STX12: variants seen among roughly 807,000 people sequenced by gnomAD.
The protein encoded by STX12 is syntaxin 12, also known as syntaxin-12.
A neutral mutation model predicts 42.2 loss-of-function variants in STX12; 17 were observed. That is an observed-to-expected ratio of 0.40 (90% CI 0.28 to 0.60). The LOEUF (loss-of-function observed/expected upper bound fraction) is 0.60, where lower values mean the gene tolerates loss of function less well. STX12 is among the 20% of genes least tolerant of loss of function. STX12 has a pLI of 0.39. For missense variants in STX12, 297 were observed against 330.9 expected (o/e 0.90, Z 0.79); for synonymous variants, 108 against 116.7 (o/e 0.93, Z 0.48).
At chr1:27,796,981 A>G (rs1460423905) in intron 3 of STX12, among the ~76,000 whole-genome samples, 2 of 152,004 alleles carry the variant, frequency 1.3e-5, no homozygotes, top group African/African-American at 4.8e-5. Flanking sequence ...CTGGGATTAC[A>G]GGCATGAGCC....
chr1:27,800,552 CAG>C (rs1368335323), intron 3 of STX12, among the ~76,000 whole-genome samples: 1 of 149,736 alleles, frequency 6.7e-6, no homozygotes, highest in Non-Finnish European at 1.5e-5. Context: ...TTTTTTCAGA[CAG>C]AGTTTCACTC....
At chr1:27,782,204 A>AT (rs1318724788) in intron 1 of STX12, among the ~76,000 whole-genome samples, 1 of 152,096 alleles carries the variant, frequency 6.6e-6, no homozygotes, top group African/African-American at 2.4e-5. Flanking sequence ...AACTCAAGGG[A>AT]TCCCCCCACC....
chr1:27,797,636 A>G (rs759237642), intron 3 of STX12, among the ~76,000 whole-genome samples: 2 of 151,842 alleles, frequency 1.3e-5, no homozygotes, highest in Non-Finnish European at 1.5e-5. Flanking sequence ...TCTTTTTCCA[A>G]TCTAACCCCT....
chr1:27,775,637 C>A (rs1285040402), intron 1 of STX12, among the ~76,000 whole-genome samples: 2 of 152,134 alleles, frequency 1.3e-5, no homozygotes, highest in African/African-American at 4.8e-5. Context: ...CAACAGGGAA[C>A]CTGCAGAGTT....
intron 7 of STX12, 76 bp downstream of exon 7, chr1:27,817,999 G>T: frequency 7.9e-7 from 1 of 1,268,652 alleles, no homozygotes; most frequent in Non-Finnish European, 1.1e-6. Context: ...CAGCTACTCA[G>T]AAGGCTGAGG....
intron 1 of STX12, among the ~76,000 whole-genome samples, chr1:27,777,381 G>T (rs1397537424): frequency 1.3e-5 from 2 of 152,202 alleles, no homozygotes; most frequent in African/African-American, 4.8e-5. Context: ...GGCTAGTTTG[G>T]CTGGAGTACC....
rs761341333 is a variant in STX12, at chr1:27,773,243, G to A, written c.-65G>A. 2.7e-6 allele frequency: 3 copies of A among 1,097,082 alleles called. No homozygotes were observed. Among genetic ancestry groups the A allele is most frequent in the Non-Finnish European group, 2.7e-6 (2 of 740,874 alleles). The allele number at this position is 1,097,082 out of a possible 1,614,324, so 68.0% of individuals were successfully genotyped here. ...TCCCAGTTTCTCCGTCAGCCTGCGGGTCCCGGCTGGCGGCTGCTTCCGGTA... is the reference window on the plus strand; with the variant it reads ...TCCCAGTTTCTCCGTCAGCCTGCGGATCCCGGCTGGCGGCTGCTTCCGGTA... On this transcript the variant is annotated 5_prime_UTR_variant, in exon 1 of 9. Transcript: ENST00000373943.
chr1:27,798,275 A>G (rs1400988189), intron 3 of STX12, among the ~76,000 whole-genome samples: 1 of 152,130 alleles, frequency 6.6e-6, no homozygotes, highest in Non-Finnish European at 1.5e-5. Flanking sequence ...TCACACCTGT[A>G]ATCCCAGAAC....
rs932738175 is a variant in STX12 at position 27,822,158 on chromosome 1, G to C, written c.733-73G>C. On this transcript the variant is annotated intron_variant, in intron 8 of 8. Transcript: ENST00000373943. ...AATTACAAGGAGGCAGATTTATGAA[G>C]CATTCTTAGAGTCTTACACATACAA... 3.9e-5 allele frequency: 35 copies of C among 888,856 alleles called. No homozygotes were observed. The African/African-American group carries it at 5.0e-4, about 13-fold the overall frequency. 55.1% of individuals were successfully genotyped at this position (888,856 alleles called of 1,614,324 possible).
intron 3 of STX12, among the ~76,000 whole-genome samples, chr1:27,795,755 A>G (rs1185967959): frequency 6.6e-6 from 1 of 152,188 alleles, no homozygotes; most frequent in Non-Finnish European, 1.5e-5. Flanking sequence ...TCATCCTGCT[A>G]CAAAGTAGTT....
intron 8 of STX12, among the ~76,000 whole-genome samples, chr1:27,821,449 A>G (rs917391786): frequency 8.5e-5 from 13 of 152,160 alleles, no homozygotes; most frequent in Admixed American, 3.3e-4. Context: ...AACATCATAC[A>G]ATGTGATCCA....
chr1:27,790,407 C>T (rs2088731764), intron 2 of STX12, among the ~76,000 whole-genome samples: 2 of 152,206 alleles, frequency 1.3e-5, no homozygotes, highest in African/African-American at 4.8e-5. Context: ...TATTTGTCCC[C>T]ACCCATGTCC....
chr1:27,773,486 T>C, intron 1 of STX12, 61 bp downstream of exon 1: 1 of 1,511,446 alleles, frequency 6.6e-7, no homozygotes, highest in Non-Finnish European at 9.2e-7. Context: ...TGGGTGAGGC[T>C]GCCGGGACGC....
intron 1 of STX12, among the ~76,000 whole-genome samples, chr1:27,779,374 C>G (rs1013285348): frequency 2.0e-5 from 3 of 150,438 alleles, no homozygotes; most frequent in African/African-American, 7.5e-5. Flanking sequence ...CACTCTGTCG[C>G]CCAGGCTGGA....
intron 4 of STX12, among the ~76,000 whole-genome samples, chr1:27,806,039 T>G (rs780865837): frequency 2.0e-5 from 3 of 152,224 alleles, no homozygotes; most frequent in Non-Finnish European, 4.4e-5. Context: ...ATTGGTTCCC[T>G]GAGTTATGCA....
At position 27,823,643 on chromosome 1, in the gene STX12, C is replaced by T. The variant is rs1305127699; in HGVS notation, c.*1314C>T. The T allele has an allele frequency of 3.3e-5, 5 of 152,602 alleles. No individual in the cohort carries two copies. The highest frequency in any genetic ancestry group is 9.7e-5 in the African/African-American group (4 of 41,442). The allele number at this position is 152,602 out of a possible 1,614,324, so 9.5% of individuals were successfully genotyped here. ...TATTTATATTCATTTCTTCTGTTCT[C>T]CTTCTGTTATTATACTTAATCTTCT... On this transcript the variant is annotated 3_prime_UTR_variant, in exon 9 of 9. Transcript: ENST00000373943.
intron 2 of STX12, among the ~76,000 whole-genome samples, chr1:27,790,350 C>G (rs2088731281): frequency 6.6e-6 from 1 of 152,174 alleles, no homozygotes; most frequent in Non-Finnish European, 1.5e-5. Context: ...GGAAGAGGAT[C>G]TGAGCAGGTT....
At chr1:27,779,318 G>T (rs922513196) in intron 1 of STX12, among the ~76,000 whole-genome samples, 3 of 146,872 alleles carry the variant, frequency 2.0e-5, no homozygotes, top group Admixed American at 6.7e-5. Flanking sequence ...GAATCAGATG[G>T]TTTTTTTTGT....
At chr1:27,800,351 A>G (rs1016479617) in intron 3 of STX12, among the ~76,000 whole-genome samples, 3 of 152,152 alleles carry the variant, frequency 2.0e-5, no homozygotes, top group Admixed American at 1.3e-4. Context: ...TGTAGTACCA[A>G]TTGGATATAG....
Sources: allele counts gnomAD v4.1 joint callset (sites outside exome capture counted in the v4.1 genomes callset), GRCh38; gene constraint gnomAD v4.1.1; transcripts MANE v1.5; gene names NCBI Gene and HGNC (gene_info 2026-07-23, HGNC 2026-07-21).